SLC9D1: variants seen among roughly 807,000 people sequenced by gnomAD.
The protein encoded by SLC9D1 is solute carrier family 9 member D1.
chr13:113,528,267 C>T, the SLC9D1 span: 12 of 152,214 alleles, frequency 7.9e-5, no homozygotes, highest in African/African-American at 2.7e-4. Flanking sequence ...ACCAGTGACT[C>T]CCCTGGGGAG....
the SLC9D1 span, chr13:113,502,009 C>A: frequency 1.4e-6 from 1 of 737,578 alleles, no homozygotes. Flanking sequence ...CAAAGATGTC[C>A]TTTCAGGTGT....
the SLC9D1 span, chr13:113,549,349 A>G: frequency 6.5e-7 from 1 of 1,529,656 alleles, no homozygotes. Context: ...GCTCAGTGAG[A>G]CCAGCCCTGT....
the SLC9D1 span, chr13:113,496,175 C>A: frequency 4.8e-6 from 3 of 618,814 alleles, no homozygotes; most frequent in Non-Finnish European, 8.4e-6. Context: ...CTGCTGATGT[C>A]GCTCAGGTGT....
chr13:113,505,469 G>A, the SLC9D1 span: 1 of 152,230 alleles, frequency 6.6e-6, no homozygotes, highest in Non-Finnish European at 1.5e-5. Flanking sequence ...CAGTTCAGCT[G>A]CGGCGTGACT....
chr13:113,517,039 G>A, the SLC9D1 span, among the ~76,000 whole-genome samples: 6 of 152,366 alleles, frequency 3.9e-5, no homozygotes, highest in African/African-American at 1.4e-4. Context: ...TTGAGACCAG[G>A]TGCCGTGGGC....
the SLC9D1 span, among the ~76,000 whole-genome samples, chr13:113,518,795 A>C: frequency 6.6e-6 from 1 of 152,246 alleles, no homozygotes; most frequent in Non-Finnish European, 1.5e-5. Context: ...AAAAGGCACA[A>C]AGCTGTAGCC....
chr13:113,503,383 G>T, the SLC9D1 span: 1 of 619,370 alleles, frequency 1.6e-6, no homozygotes, highest in Non-Finnish European at 2.9e-6. Context: ...GTGTGTGTGT[G>T]TATGTGTGTT....
chr13:113,519,840 C>G, the SLC9D1 span, among the ~76,000 whole-genome samples: 1 of 152,210 alleles, frequency 6.6e-6, no homozygotes, highest in South Asian at 2.1e-4. Context: ...CTGTGTTGGT[C>G]TCACAGAGAA....
chr13:113,533,299 C>T, the SLC9D1 span, among the ~76,000 whole-genome samples: 21,837 of 151,132 alleles, frequency 0.14, 1,976 homozygotes, highest in Admixed American at 0.26. Context: ...TGCTTCAAGC[C>T]CAGCTCTGCT....
At chr13:113,549,772 T>C in the SLC9D1 span, 1 of 699,288 alleles carries the variant, frequency 1.4e-6, no homozygotes, top group Non-Finnish European at 2.6e-6. Flanking sequence ...CCCGGGACAC[T>C]GCGTTTTACC....
At chr13:113,497,554 T>TAGCTGTGGGAGACCTGC in the SLC9D1 span, among the ~76,000 whole-genome samples, 1 of 126,886 alleles carries the variant, frequency 7.9e-6, no homozygotes, top group African/African-American at 3.2e-5. Context: ...GCGAGACTTG[T>TAGCTGTGGGAGACCTGC]AGCTGTGTGA....
chr13:113,525,219 CA>C, the SLC9D1 span, among the ~76,000 whole-genome samples: 2 of 152,188 alleles, frequency 1.3e-5, no homozygotes, highest in African/African-American at 4.8e-5. Flanking sequence ...GCCACCTGTA[CA>C]GCAGTGGTCG....
the SLC9D1 span, chr13:113,500,088 A>G: frequency 6.3e-7 from 1 of 1,594,944 alleles, no homozygotes; most frequent in Non-Finnish European, 8.5e-7. Context: ...CAGAACAACC[A>G]GTATATTTTG....
At chr13:113,522,151 G>A in the SLC9D1 span, among the ~76,000 whole-genome samples, 1 of 152,160 alleles carries the variant, frequency 6.6e-6, no homozygotes, top group Non-Finnish European at 1.5e-5. Flanking sequence ...TTGCTCTTGG[G>A]AAGCATTCAG....
the SLC9D1 span, among the ~76,000 whole-genome samples, chr13:113,531,941 G>A: frequency 6.6e-6 from 1 of 152,220 alleles, no homozygotes; most frequent in South Asian, 2.1e-4. Context: ...GCCGTTAGGG[G>A]CTTGGTCCTG....
chr13:113,494,342 C>A, the SLC9D1 span, among the ~76,000 whole-genome samples: 3 of 152,118 alleles, frequency 2.0e-5, no homozygotes, highest in African/African-American at 7.2e-5. Flanking sequence ...TCCACGGTCT[C>A]GGTTTCCCAC....
the SLC9D1 span, chr13:113,498,566 A>G: frequency 2.1e-6 from 3 of 1,429,290 alleles, no homozygotes; most frequent in East Asian, 2.5e-5. Flanking sequence ...TGAGCCACTC[A>G]CTAATCAGAA....
chr13:113,520,039 C>T, the SLC9D1 span, among the ~76,000 whole-genome samples: 3 of 152,196 alleles, frequency 2.0e-5, no homozygotes, highest in African/African-American at 7.2e-5. Context: ...TCTTGTTTGC[C>T]ATGTCACCTT....
At chr13:113,514,502 G>C in the SLC9D1 span, 1 of 145,810 alleles carries the variant, frequency 6.9e-6, no homozygotes, top group Non-Finnish European at 1.5e-5. Flanking sequence ...ACACAAGCCT[G>C]CTGCCAAGCT....
Sources: allele counts gnomAD v4.1 joint callset (sites outside exome capture counted in the v4.1 genomes callset), GRCh38; gene constraint gnomAD v4.1.1; transcripts MANE v1.5; gene names NCBI Gene and HGNC (gene_info 2026-07-23, HGNC 2026-07-21).